CUX1: variants seen among roughly 807,000 people sequenced by gnomAD.
CUX1 encodes protein CASP.
A neutral mutation model predicts 158.8 loss-of-function variants in CUX1; 31 were observed. That is an observed-to-expected ratio of 0.20 (90% CI 0.15 to 0.26). The LOEUF (loss-of-function observed/expected upper bound fraction) is 0.26. Ranked by LOEUF, CUX1 falls within the 10% of genes least tolerant of loss-of-function variation. The probability of loss-of-function intolerance (pLI) is 1.00; values close to 1 mark genes in which losing one functional copy is unlikely to be tolerated. For synonymous variants in CUX1, 879 were observed against 862.1 expected, an observed-to-expected ratio of 1.02 and a Z score of -0.34; for missense variants, 1,589 against 2,014.6, an observed-to-expected ratio of 0.79 and a Z score of 4.04.
intron 4 of CUX1, among the ~76,000 whole-genome samples, chr7:102,073,903 A>G (rs1183249363): frequency 6.6e-6 from 1 of 152,206 alleles, no homozygotes; most frequent in East Asian, 1.9e-4. Context: ...GTAATACTAA[A>G]AGTCAATCAG....
chr7:102,111,564 G>C, intron 6 of CUX1, 134 bp from the exon 7 acceptor site: 1 of 739,960 alleles, frequency 1.4e-6, no homozygotes, highest in Non-Finnish European at 2.3e-6. Flanking sequence ...CACACGTGTC[G>C]TTGCGGGCGA....
At chr7:101,915,805 A>G (rs934510061) in intron 1 of CUX1, among the ~76,000 whole-genome samples, 1 of 152,188 alleles carries the variant, frequency 6.6e-6, no homozygotes, top group Non-Finnish European at 1.5e-5. Flanking sequence ...TGGCTGGAGC[A>G]AGAAAGATGT....
At chr7:102,138,306 A>C (rs1414583809) in intron 8 of CUX1, among the ~76,000 whole-genome samples, 10 of 152,210 alleles carry the variant, frequency 6.6e-5, no homozygotes, top group Admixed American at 6.5e-4. Flanking sequence ...ATTACATTTT[A>C]CTGATATAAC....
At chr7:102,075,101 C>T (rs58886458) in intron 4 of CUX1, among the ~76,000 whole-genome samples, 20,656 of 152,032 alleles carry the variant, frequency 0.14, 3,119 homozygotes, top group African/African-American at 0.38. Context: ...TCAGATGATC[C>T]GCCCCCCTCA....
chr7:102,048,821 T>C (rs1318328947), intron 3 of CUX1, among the ~76,000 whole-genome samples: 1 of 152,070 alleles, frequency 6.6e-6, no homozygotes, highest in Non-Finnish European at 1.5e-5. Flanking sequence ...AGAGCGAGAC[T>C]CCATCTCAAA....
intron 2 of CUX1, among the ~76,000 whole-genome samples, chr7:101,995,800 A>G (rs183154630): frequency 1.6e-4 from 25 of 152,236 alleles, no homozygotes; most frequent in African/African-American, 5.1e-4. Context: ...AAGGTTGCCA[A>G]CGCTTATTAA....
intron 8 of CUX1, among the ~76,000 whole-genome samples, chr7:102,143,867 C>T (rs1183910121): frequency 3.9e-5 from 6 of 152,132 alleles, no homozygotes; most frequent in Admixed American, 3.9e-4. Context: ...ACTGTAGCCT[C>T]CACCTCCTGG....
chr7:102,264,072 G>C (rs1369312054), intron 14 of CUX1, among the ~76,000 whole-genome samples: 39 of 130,686 alleles, frequency 3.0e-4, no homozygotes, highest in African/African-American at 1.0e-3. Context: ...GTGGCGTGAT[G>C]TCAGCTCACT....
At chr7:101,901,796 C>T (rs972248840) in intron 1 of CUX1, among the ~76,000 whole-genome samples, 2 of 152,186 alleles carry the variant, frequency 1.3e-5, no homozygotes, top group African/African-American at 2.4e-5. Context: ...CACAGGCCCG[C>T]GGGTGGCTTC....
chr7:102,178,034 G>C (rs1792584599), intron 10 of CUX1, among the ~76,000 whole-genome samples: 1 of 152,080 alleles, frequency 6.6e-6, no homozygotes, highest in Non-Finnish European at 1.5e-5. Flanking sequence ...TGGGATTACA[G>C]GTCACCACCA....
chr7:102,252,633 C>G lies in CUX1; in HGVS notation c.*3591C>G. 5 of 985,392 alleles carry G rather than the reference C, an allele frequency of 5.1e-6. No homozygotes were observed. Among genetic ancestry groups the G allele is most frequent in the South Asian group, 4.7e-5 (1 of 21,286 alleles). 61.0% of individuals were successfully genotyped at this position (985,392 alleles called of 1,614,324 possible). On this transcript the variant is annotated 3_prime_UTR_variant, in exon 24 of 24. Transcript: ENST00000292535. ...TAGCCTCTTGACCCGGAGTTCCGGC[C>G]CAAGCTCCCTTGTGATAGCCGAGAT...
At chr7:102,280,102 C>T (rs1468673560) in exon 19 of CUX1, 4 of 1,609,906 alleles carry the variant, frequency 2.5e-6, no homozygotes, top group South Asian at 1.1e-5. Context: ...TGGACCCCTT[C>T]TCCTCCTTCA....
At chr7:101,984,803 T>C (rs967014116) in intron 2 of CUX1, among the ~76,000 whole-genome samples, 1 of 152,188 alleles carries the variant, frequency 6.6e-6, no homozygotes, top group African/African-American at 2.4e-5. Flanking sequence ...AGAAGAAATA[T>C]ATGAATACGA....
chr7:102,266,829 G>A lies in CUX1; in HGVS notation c.1256-6537G>A, dbSNP rs782358132. Among the ~76,000 whole-genome samples, 59 of 152,314 alleles carry A rather than the reference G, an allele frequency of 3.9e-4. 1 individual carries two copies. In the Middle Eastern group the frequency reaches 0.01, roughly 26 times the overall value. On this transcript the variant is annotated intron_variant, in intron 14 of 22. Transcript: ENST00000292538. ...GACAGTCAGCGTGAGGGGTGGCAGAGTCTGATGGGAAGGGCTTGAGGAATT... is the reference window on the plus strand; with the variant it reads ...GACAGTCAGCGTGAGGGGTGGCAGAATCTGATGGGAAGGGCTTGAGGAATT...
Position 102,281,692 on chromosome 7 carries a change from C to T in CUX1, c.1822-148C>T, listed in dbSNP as rs1792078927. 5.3e-5 allele frequency: 34 copies of T among 639,218 alleles called. 2 individuals carry two copies. In the South Asian group the frequency reaches 5.6e-4, roughly 11 times the overall value. 39.6% of individuals were successfully genotyped at this position (639,218 alleles called of 1,614,324 possible). On this transcript the variant is annotated intron_variant, in intron 20 of 22. Transcript: ENST00000292538. ...AAAAAAGAATTCCAGCAGCCCATGT[C>T]CCTGGCCCATAATGATGGAATAGGG...
intron 3 of CUX1, among the ~76,000 whole-genome samples, chr7:102,065,871 A>C: frequency 8.0e-6 from 1 of 125,396 alleles, no homozygotes; most frequent in Admixed American, 8.3e-5. Context: ...GCTCACTGCA[A>C]CCTCCGCCTC....
intron 3 of CUX1, among the ~76,000 whole-genome samples, chr7:102,056,109 C>G (rs577767155): frequency 1.3e-5 from 2 of 152,160 alleles, no homozygotes; most frequent in Non-Finnish European, 2.9e-5. Flanking sequence ...GAGGTTGATT[C>G]ATGATGTTTA....
chr7:102,170,167 A>G (rs139947313), intron 9 of CUX1, among the ~76,000 whole-genome samples: 2 of 152,360 alleles, frequency 1.3e-5, no homozygotes, highest in Admixed American at 1.3e-4. Flanking sequence ...GTATTTATTC[A>G]GTCTGGGAAA....
At position 101,970,515 on chromosome 7, in the gene CUX1, C is replaced by T. The variant is rs559151794; in HGVS notation, c.141+54290C>T. The stretch of plus-strand genomic sequence containing the variant: ...CTCGAGGAGTGGGACATGACCTCCC[C>T]ACGCCTCTGCTGAGTATCCCAGACC... On this transcript the variant is annotated intron_variant, in intron 2 of 23. Coordinates refer to ENST00000292535, the MANE Select transcript of CUX1 (RefSeq NM_181552.4). Among the ~76,000 whole-genome samples the T allele has an allele frequency of 3.3e-5, 5 of 152,268 alleles. No homozygotes were observed. The South Asian group carries it at 6.2e-4, about 19-fold the overall frequency.
Sources: allele counts gnomAD v4.1 joint callset (sites outside exome capture counted in the v4.1 genomes callset), GRCh38; gene constraint gnomAD v4.1.1; transcripts MANE v1.5; gene names NCBI Gene and HGNC (gene_info 2026-07-23, HGNC 2026-07-21).